The following PREX2 variants were observed in gnomAD, a reference collection of about 807,000 sequenced individuals.
The protein encoded by PREX2 is phosphatidylinositol-3,4,5-trisphosphate dependent Rac exchange factor 2, also known as phosphatidylinositol 3,4,5-trisphosphate-dependent Rac exchanger 2 protein.
In PREX2, 107 loss-of-function variants were observed where a neutral mutation model predicts 203.2. The observed-to-expected ratio is 0.53, with a 90% confidence interval of 0.45 to 0.62. PREX2 has a LOEUF of 0.62. Among genes scored for constraint, PREX2 ranks in the 20% least tolerant of loss-of-function variants. The pLI, the probability that PREX2 is intolerant of heterozygous loss-of-function variation, is 0.00. For synonymous variants in PREX2, 672 were observed against 663.6 expected (o/e 1.01, Z -0.19); for missense variants, 1,777 against 1,955.9 (o/e 0.91, Z 1.72).
intron 22 of PREX2, 66 bp downstream of exon 22, chr8:68,097,267 C>T (rs1563543693): frequency 6.8e-6 from 9 of 1,327,684 alleles, no homozygotes; most frequent in Non-Finnish European, 9.2e-6. Flanking sequence ...CCTCCCTCTC[C>T]TTCACTTAAA....
At chr8:67,978,596 A>C (rs747711751) in intron 1 of PREX2, among the ~76,000 whole-genome samples, 1 of 151,906 alleles carries the variant, frequency 6.6e-6, no homozygotes, top group Non-Finnish European at 1.5e-5. Context: ...AATACGCTTC[A>C]TCCATTCTAC....
chr8:67,952,778 T>C, intron 1 of PREX2: 7 of 616,762 alleles, frequency 1.1e-5, no homozygotes, highest in South Asian at 1.0e-4. Flanking sequence ...GTCTGAAAAG[T>C]TAGCTCTAGA....
At chr8:68,196,948 A>T (rs926094570) in intron 37 of PREX2, among the ~76,000 whole-genome samples, 2 of 152,106 alleles carry the variant, frequency 1.3e-5, no homozygotes, top group Non-Finnish European at 2.9e-5. Context: ...TAACACACTG[A>T]GTAATTTATA....
chr8:68,098,374 T>G (rs944030323), intron 22 of PREX2, among the ~76,000 whole-genome samples: 2 of 152,214 alleles, frequency 1.3e-5, no homozygotes, highest in Non-Finnish European at 2.9e-5. Flanking sequence ...CTAAATGAAC[T>G]ATTTTAAAAG....
chr8:68,093,410 A>AAAAAT (rs1809951825), intron 20 of PREX2, among the ~76,000 whole-genome samples, 195 bp from the exon 21 acceptor site: 1 of 140,922 alleles, frequency 7.1e-6, no homozygotes, highest in African/African-American at 2.7e-5. Flanking sequence ...AAAAAAAAAA[A>AAAAAT]AGAAAGAAAG....
At chr8:68,051,136 C>A (rs1258082834) in intron 8 of PREX2, among the ~76,000 whole-genome samples, 1 of 152,054 alleles carries the variant, frequency 6.6e-6, no homozygotes, top group Non-Finnish European at 1.5e-5. Flanking sequence ...GGAAGGAAAA[C>A]TCCCTGTTAT....
At chr8:67,989,161 A>G (rs181418610) in intron 1 of PREX2, among the ~76,000 whole-genome samples, 1 of 152,320 alleles carries the variant, frequency 6.6e-6, no homozygotes, top group Admixed American at 6.5e-5. Flanking sequence ...AGGAAAAGAA[A>G]GCTAATATTT....
At chr8:68,223,308 T>A (rs1283891198) in intron 38 of PREX2, 2 of 152,232 alleles carry the variant, frequency 1.3e-5, no homozygotes, top group Non-Finnish European at 2.9e-5. Flanking sequence ...TTTGTTTTTG[T>A]TTTTGTTTTT....
At chr8:68,095,511 AC>A (rs1300385671) in intron 21 of PREX2, among the ~76,000 whole-genome samples, 4 of 143,526 alleles carry the variant, frequency 2.8e-5, no homozygotes, top group Middle Eastern at 3.4e-3. Context: ...ATACATACAT[AC>A]ATACATACAT....
chr8:68,066,319 A>C (rs888862612), intron 11 of PREX2, among the ~76,000 whole-genome samples: 1 of 152,096 alleles, frequency 6.6e-6, no homozygotes, highest in South Asian at 2.1e-4. Flanking sequence ...CAAAATGGCT[A>C]TATGAATTTA....
chr8:67,956,729 C>T (rs1805502372), intron 1 of PREX2, among the ~76,000 whole-genome samples: 2 of 152,174 alleles, frequency 1.3e-5, no homozygotes, highest in African/African-American at 4.8e-5. Context: ...AATAATGACA[C>T]TGGGAAACAG....
At chr8:68,219,606 G>A (rs925459220) in intron 38 of PREX2, among the ~76,000 whole-genome samples, 1 of 152,132 alleles carries the variant, frequency 6.6e-6, no homozygotes, top group African/African-American at 2.4e-5. Flanking sequence ...GCCCCAAGTT[G>A]TGACGTCCCA....
chr8:68,088,492 A>G (rs991880970), intron 19 of PREX2, among the ~76,000 whole-genome samples: 3 of 152,216 alleles, frequency 2.0e-5, no homozygotes, highest in African/African-American at 7.2e-5. Context: ...AGAGACATAC[A>G]TGCTTTTTAT....
In PREX2 at chr8:68,160,403, G is replaced by A. The variant is rs571780851; in HGVS notation, c.4346+2967G>A. ...GGCCTATAATAATTTAACATAATAAGCATAATTATCACTGATAACATATAT... is the reference window on the plus strand; with the variant it reads ...GGCCTATAATAATTTAACATAATAAACATAATTATCACTGATAACATATAT... On this transcript the variant is annotated intron_variant, in intron 35 of 39. Coordinates refer to ENST00000288368, the MANE Select transcript of PREX2 (RefSeq NM_024870.4). Among the ~76,000 whole-genome samples the A allele has an allele frequency of 4.0e-4, 61 of 152,028 alleles. 1 individual carries two copies. Among genetic ancestry groups the A allele is most frequent in the Admixed American group, 1.1e-3 (17 of 15,266 alleles).
intron 23 of PREX2, chr8:68,105,398 C>T (rs1311980476): frequency 1.5e-6 from 2 of 1,334,780 alleles, no homozygotes; most frequent in Non-Finnish European, 2.0e-6. Context: ...CACCCTTAGA[C>T]ACAGTACACA....
chr8:68,083,326 C>A lies in PREX2; in HGVS notation c.1965C>A (p.Phe655Leu), dbSNP rs1246823934. Residue 655 changes from phenylalanine to leucine, a missense_variant, in exon 18 of 40, where the codon TTC (phenylalanine) becomes TTA (leucine). Physicochemically the swap from Phe to Leu is conservative, Grantham distance 22. Transcript: ENST00000288368. ...FMRPFNEVDC[F>L]LKSCLNSRKP... is the part of the protein sequence containing the mutation. ...GACCTTTCAATGAAGTGGATTGCTTCCTGAAATCGTGTTTAAACAGCAGAA... is the reference window on the plus strand; with the variant it reads ...GACCTTTCAATGAAGTGGATTGCTTACTGAAATCGTGTTTAAACAGCAGAA... 3.1e-6 allele frequency: 5 copies of A among 1,611,194 alleles called. No individual in the cohort carries two copies. The highest frequency in any genetic ancestry group is 4.2e-6 in the Non-Finnish European group (5 of 1,178,106).
chr8:68,165,240 G>A (rs891098965), intron 35 of PREX2, among the ~76,000 whole-genome samples: 14 of 151,732 alleles, frequency 9.2e-5, no homozygotes, highest in African/African-American at 3.1e-4. Context: ...GAAAATGGTC[G>A]GATCTACATG....
At chr8:68,189,935 G>A (rs927189874) in intron 35 of PREX2, among the ~76,000 whole-genome samples, 2 of 152,164 alleles carry the variant, frequency 1.3e-5, no homozygotes, top group African/African-American at 2.4e-5. Context: ...TGTCATTTTG[G>A]AAATTAGTCT....
intron 8 of PREX2, among the ~76,000 whole-genome samples, chr8:68,047,482 T>TATATATATATATACAC (rs1808393258): frequency 2.1e-5 from 2 of 95,010 alleles, no homozygotes; most frequent in African/African-American, 1.4e-4. Context: ...TATATATATA[T>TATATATATATATACAC]ATATATATAT....
Sources: allele counts gnomAD v4.1 joint callset (sites outside exome capture counted in the v4.1 genomes callset), GRCh38; gene constraint gnomAD v4.1.1; transcripts MANE v1.5; gene names NCBI Gene and HGNC (gene_info 2026-07-23, HGNC 2026-07-21).